ST6GALNAC3: variants seen among roughly 807,000 people sequenced by gnomAD.
ST6GALNAC3 encodes alpha-N-acetylgalactosaminide alpha-2,6-sialyltransferase 3.
A neutral mutation model predicts 32.7 loss-of-function variants in ST6GALNAC3; 25 were observed. That is an observed-to-expected ratio of 0.76 (90% confidence interval 0.56 to 1.07). The LOEUF is 1.07. Ranked by LOEUF, ST6GALNAC3 falls within the 50% of genes least tolerant of loss-of-function variation. ST6GALNAC3 has a pLI of 0.00. For synonymous variants in ST6GALNAC3, 129 were observed against 133.1 expected, an observed-to-expected ratio of 0.97 and a Z score of 0.21; for missense variants, 355 against 382.4, an observed-to-expected ratio of 0.93 and a Z score of 0.60.
chr1:76,542,659 A>C (rs1664061897), intron 3 of ST6GALNAC3, among the ~76,000 whole-genome samples: 1 of 152,180 alleles, frequency 6.6e-6, no homozygotes, highest in African/African-American at 2.4e-5. Context: ...CCTAAGGACC[A>C]AATGTGCTTA....
chr1:76,293,583 T>C (rs1476311931), intron 1 of ST6GALNAC3, among the ~76,000 whole-genome samples: 2 of 152,334 alleles, frequency 1.3e-5, no homozygotes, highest in East Asian at 3.9e-4. Context: ...GCAGGTGTCC[T>C]TTCCTGTTTA....
At chr1:76,126,440 C>CTTCCTTCCTTTT (rs1553157155) in intron 1 of ST6GALNAC3, among the ~76,000 whole-genome samples, 1 of 147,348 alleles carries the variant, frequency 6.8e-6, no homozygotes, top group Non-Finnish European at 1.5e-5. Flanking sequence ...TCCTTCCTTC[C>CTTCCTTCCTTTT]TTCCTTCCTT....
chr1:76,146,602 T>A (rs887285598), intron 1 of ST6GALNAC3, among the ~76,000 whole-genome samples: 6 of 152,208 alleles, frequency 3.9e-5, no homozygotes, highest in Admixed American at 3.3e-4. Flanking sequence ...AAATCCATCG[T>A]CTTTTCCCAA....
At chr1:76,304,373 TC>T (rs1660911335) in intron 1 of ST6GALNAC3, among the ~76,000 whole-genome samples, 1 of 151,956 alleles carries the variant, frequency 6.6e-6, no homozygotes, top group Admixed American at 6.6e-5. Flanking sequence ...TCCTCCATCT[TC>T]TTTCTCCATC....
intron 1 of ST6GALNAC3, among the ~76,000 whole-genome samples, chr1:76,213,494 A>G (rs1413437264): frequency 6.6e-6 from 1 of 152,214 alleles, no homozygotes; most frequent in Non-Finnish European, 1.5e-5. Flanking sequence ...ATGATGGTGT[A>G]GTTTCTTAGT....
intron 3 of ST6GALNAC3, among the ~76,000 whole-genome samples, chr1:76,481,509 A>G (rs537313176): frequency 1.3e-3 from 197 of 152,278 alleles, no homozygotes; most frequent in Non-Finnish European, 2.0e-3. Context: ...TTTTGCTTCA[A>G]TGATTCTTGA....
At chr1:76,300,789 C>T (rs1025771973) in intron 1 of ST6GALNAC3, among the ~76,000 whole-genome samples, 61 of 151,938 alleles carry the variant, frequency 4.0e-4, no homozygotes, top group African/African-American at 4.8e-5. Flanking sequence ...TTTGTAATCA[C>T]GATTGCTACA....
intron 3 of ST6GALNAC3, chr1:76,577,341 G>A: frequency 2.0e-6 from 2 of 986,918 alleles, no homozygotes; most frequent in Non-Finnish European, 2.4e-6. Flanking sequence ...CTGCTTGGAA[G>A]GTAACCTTTA....
At chr1:76,472,593 C>T (rs1273939234) in intron 3 of ST6GALNAC3, among the ~76,000 whole-genome samples, 1 of 152,104 alleles carries the variant, frequency 6.6e-6, no homozygotes, top group African/African-American at 2.4e-5. Flanking sequence ...AGGCATGTTA[C>T]CAAAGCGCTC....
chr1:76,540,330 G>A (rs377615097), intron 3 of ST6GALNAC3, among the ~76,000 whole-genome samples: 3 of 152,208 alleles, frequency 2.0e-5, no homozygotes, highest in South Asian at 4.2e-4. Flanking sequence ...CACAAAGAGG[G>A]GAACAACACA....
Position 76,126,827 on chromosome 1 carries a change from C to T in ST6GALNAC3, c.18+51943C>T, listed in dbSNP as rs549086011. On this transcript the variant is annotated intron_variant, in intron 1 of 4. Coordinates refer to ENST00000328299, the MANE Select transcript of ST6GALNAC3 (RefSeq NM_152996.4). Reference sequence around the variant, plus strand: ...ACTCCCAGTGGGCTTTCAGGCATCCCCAGGTGCTGCGTTTTATTCAGTTAA... The same window carrying T: ...ACTCCCAGTGGGCTTTCAGGCATCCTCAGGTGCTGCGTTTTATTCAGTTAA... Among the ~76,000 whole-genome samples the T allele has an allele frequency of 1.2e-4, 19 of 152,278 alleles. No homozygotes were observed. The South Asian group carries it at 3.7e-3, about 30-fold the overall frequency.
intron 3 of ST6GALNAC3, among the ~76,000 whole-genome samples, chr1:76,442,833 AT>A (rs1481255017): frequency 1.6e-4 from 24 of 152,322 alleles, no homozygotes; most frequent in African/African-American, 5.5e-4. Flanking sequence ...AGATTCAGAG[AT>A]TTGAGTAGAA....
intron 3 of ST6GALNAC3, among the ~76,000 whole-genome samples, chr1:76,576,427 T>C (rs1462828904): frequency 6.6e-6 from 1 of 152,056 alleles, no homozygotes; most frequent in Non-Finnish European, 1.5e-5. Context: ...CCTGCAAAGT[T>C]AATTGTTTGC....
chr1:76,086,464 G>A (rs1390822411), intron 1 of ST6GALNAC3, among the ~76,000 whole-genome samples: 4 of 152,130 alleles, frequency 2.6e-5, no homozygotes, highest in Non-Finnish European at 5.9e-5. Context: ...TCATATTTGT[G>A]TAAAGAAGGA....
At chr1:76,280,167 CA>C (rs1659418095) in intron 1 of ST6GALNAC3, among the ~76,000 whole-genome samples, 1 of 152,034 alleles carries the variant, frequency 6.6e-6, no homozygotes, top group Non-Finnish European at 1.5e-5. Context: ...CCCTTTTTTC[CA>C]ACCCACCCTT....
chr1:76,289,861 G>A (rs1659980355), intron 1 of ST6GALNAC3, among the ~76,000 whole-genome samples: 1 of 152,192 alleles, frequency 6.6e-6, no homozygotes, highest in Admixed American at 6.5e-5. Flanking sequence ...CCTTCCACAG[G>A]GTTCTTGAAG....
At chr1:76,623,209 G>A (rs529548766) in intron 3 of ST6GALNAC3, among the ~76,000 whole-genome samples, 1 of 151,892 alleles carries the variant, frequency 6.6e-6, no homozygotes, top group Non-Finnish European at 1.5e-5. Context: ...CTACATCAAG[G>A]TCTTGACGGC....
At chr1:76,266,690 A>G (rs1314501554) in intron 1 of ST6GALNAC3, among the ~76,000 whole-genome samples, 1 of 152,178 alleles carries the variant, frequency 6.6e-6, no homozygotes, top group Non-Finnish European at 1.5e-5. Context: ...TCTTGATTTT[A>G]GCCACCCATC....
At chr1:76,186,694 ATGCTCTGGAAAT>A (rs141376550) in intron 1 of ST6GALNAC3, among the ~76,000 whole-genome samples, 10,327 of 152,170 alleles carry the variant, frequency 0.068, 355 homozygotes, top group Middle Eastern at 0.1. Flanking sequence ...ATTTATATTC[ATGCTCTGGAAAT>A]TGTACATGTA....
Sources: allele counts gnomAD v4.1 joint callset (sites outside exome capture counted in the v4.1 genomes callset), GRCh38; gene constraint gnomAD v4.1.1; transcripts MANE v1.5; gene names NCBI Gene and HGNC (gene_info 2026-07-23, HGNC 2026-07-21).